SATB1: variants seen among roughly 807,000 people sequenced by gnomAD.
SATB1 encodes SATB homeobox 1.
In SATB1, 11 loss-of-function variants were observed where a neutral mutation model predicts 86.9. The observed-to-expected ratio is 0.13, with a 90% confidence interval of 0.08 to 0.21. SATB1 has a LOEUF of 0.21. Ranked by LOEUF, SATB1 falls within the 10% of genes least tolerant of loss-of-function variation. The pLI, the probability that SATB1 is intolerant of heterozygous loss-of-function variation, is 1.00. For missense variants in SATB1, 551 were observed against 937.6 expected (o/e 0.59, Z 5.39); for synonymous variants, 357 against 357.2 (o/e 1.00, Z 0.01).
intron 7 of SATB1, among the ~76,000 whole-genome samples, chr3:18,389,013 A>G (rs1003471245): frequency 1.3e-5 from 2 of 152,248 alleles, no homozygotes; most frequent in East Asian, 3.9e-4. Flanking sequence ...GAAGGTAGTT[A>G]TGTCACTTGG....
chr3:18,395,082 T>G lies in SATB1; in HGVS notation c.752-166A>C, dbSNP rs554144745. On this transcript the variant is annotated intron_variant, in intron 6 of 10. Coordinates refer to ENST00000338745, the MANE Select transcript of SATB1 (RefSeq NM_002971.6). Reference sequence around the variant, plus strand: ...AACTTACCAGGCTGTGTTTTTGCTCTCCTTTCCTGAACAATTCTACAAACT... The same window carrying G: ...AACTTACCAGGCTGTGTTTTTGCTCGCCTTTCCTGAACAATTCTACAAACT... Among the ~76,000 whole-genome samples, 122 of 152,314 alleles carry G rather than the reference T, an allele frequency of 8.0e-4. 1 individual carries two copies. The highest frequency in any genetic ancestry group is 2.7e-3 in the African/African-American group (114 of 41,570).
At position 18,445,268 on chromosome 3, in the gene SATB1, CCCGAG is replaced by C. The variant is rs997689695; in HGVS notation, c.-25+245_-25+249del. The C allele has an allele frequency of 1.0e-5, 10 of 983,716 alleles. No individual in the cohort carries two copies. The African/African-American group carries it at 1.1e-4, about 10-fold the overall frequency. The allele number at this position is 983,716 out of a possible 1,614,324, so 60.9% of individuals were successfully genotyped here. A position where few individuals can be genotyped will look rare whatever the true frequency, so the allele number is the denominator to read the frequency against. On this transcript the variant is annotated intron_variant, in intron 1 of 3. Transcript: ENST00000415069. ...GCTGGCGACACTAGGCGCACTGAAGCCCGAGCCGAGCCGAGCCCGAGCCGCCGCCG... is the reference window on the plus strand; with the variant it reads ...GCTGGCGACACTAGGCGCACTGAAGCCCGAGCCGAGCCCGAGCCGCCGCCG...
At chr3:18,351,087 CT>C (rs1559387298) in intron 10 of SATB1, 3 of 533,902 alleles carry the variant, frequency 5.6e-6, no homozygotes, top group Non-Finnish European at 3.4e-6. Flanking sequence ...GATCCCAGAA[CT>C]TTTCCATCTA....
rs1699323082 is a variant in SATB1, at chr3:18,444,337, C to T, written c.-25+1181G>A. 6.6e-6 allele frequency among the ~76,000 whole-genome samples: 1 copy of T among 151,998 alleles called. No individual in the cohort carries two copies. Among genetic ancestry groups the T allele is most frequent in the Non-Finnish European group, 1.5e-5 (1 of 68,006 alleles). ...GCAGGTGTGGTGGTGTGTCCACACC[C>T]AGACAGAAAACGAATGGCATCTTCA... On this transcript the variant is annotated intron_variant, in intron 1 of 3. Transcript: ENST00000415069. The surrounding 1 kb of genome is among the most constrained non-coding windows in gnomAD (Gnocchi z 5.1).
Position 18,416,148 on chromosome 3 carries a change from G to C in SATB1, c.389-15C>G, listed in dbSNP as rs756631748. ...CTGGATTAGCCCTATTTCAGATAAA[G>C]AGAATATGTCACTAAATATTTTACC... On this transcript the variant is annotated splice_polypyrimidine_tract_variant and intron_variant, in intron 3 of 10. Transcript: ENST00000338745. 4 of 1,588,178 alleles carry C rather than the reference G, an allele frequency of 2.5e-6. No individual in the cohort carries two copies. The South Asian group carries it at 4.6e-5, about 18-fold the overall frequency.
chr3:18,380,516 C>T (rs1278566540), intron 8 of SATB1, among the ~76,000 whole-genome samples: 1 of 151,322 alleles, frequency 6.6e-6, no homozygotes, highest in Non-Finnish European at 1.5e-5. Flanking sequence ...TAGTAGCCAA[C>T]ACAATCAAAA....
Position 18,416,081 on chromosome 3 carries a change from A to T in SATB1, c.441T>A (p.Asp147Glu). 2 of 1,611,542 alleles carry T rather than the reference A, an allele frequency of 1.2e-6. No homozygotes were observed. The highest frequency in any genetic ancestry group is 2.7e-5 in the African/African-American group (2 of 74,876). The change falls in exon 4 of 11, where the codon GAT (aspartate) becomes GAA (glutamate). Residue 147 changes from aspartate to glutamate, a missense_variant. Around this residue, in one of 8 missense-constraint regions of SATB1, gnomAD observed 153 missense variants for 258.1 expected, o/e 0.59. Transcript: ENST00000338745. ...WNPVPLSYVT[D>E]APDATVADML... ...TATCTGCTACTGTAGCATCAGGGGC[A>T]TCTGTCACGTAAGACAGTGGAACTG...
At chr3:18,445,453 G>A (rs1699369284) in intron 1 of SATB1, 1 of 985,318 alleles carries the variant, frequency 1.0e-6, no homozygotes, top group South Asian at 4.7e-5. Flanking sequence ...GTAAGTGTGG[G>A]CGCTTGGGGG....
intron 1 of SATB1, chr3:18,438,495 C>T (rs1324460076): frequency 1.3e-5 from 2 of 152,206 alleles, no homozygotes; most frequent in Non-Finnish European, 2.9e-5. Flanking sequence ...ACACTCAATG[C>T]CTATCTGTCA....
intron 1 of SATB1, among the ~76,000 whole-genome samples, chr3:18,437,281 G>A (rs895290146): frequency 2.6e-5 from 4 of 151,846 alleles, no homozygotes; most frequent in Admixed American, 2.0e-4. Flanking sequence ...AACCACTGAG[G>A]AGCAATAATT....
intron 5 of SATB1, among the ~76,000 whole-genome samples, chr3:18,408,134 A>G (rs982270393): frequency 1.3e-5 from 2 of 152,044 alleles, no homozygotes; most frequent in African/African-American, 4.8e-5. Context: ...TAGCATTTCT[A>G]TGGGAAAATA....
Position 18,378,258 on chromosome 3 carries a change from G to C in SATB1, c.1487C>G (p.Ala496Gly), listed in dbSNP as rs1184222608. The change falls in exon 9 of 11, where the codon GCT becomes GGT. Residue 496 changes from alanine to glycine, a missense_variant. This residue lies in a region of SATB1 where 110 missense variants were observed against 212.2 expected (regional missense o/e 0.52). Transcript: ENST00000338745. ...KPENNTMNIN[A>G]SIYDEIQQEM... ...CTGCTGAATCTCATCATAAATGGAA[G>C]CATTAATGTTCATGGTATTGTTCTC... 6.2e-7 allele frequency: 1 copy of C among 1,610,430 alleles called. No individual in the cohort carries two copies. The highest frequency in any genetic ancestry group is 1.7e-5 in the Admixed American group (1 of 59,514).
chr3:18,405,164 G>C (rs978939947), intron 5 of SATB1, among the ~76,000 whole-genome samples: 1 of 151,940 alleles, frequency 6.6e-6, no homozygotes, highest in Non-Finnish European at 1.5e-5. Context: ...TATCCAAATA[G>C]AATTTTCACA....
intron 5 of SATB1, among the ~76,000 whole-genome samples, chr3:18,408,229 A>C (rs1697647014): frequency 6.6e-6 from 1 of 151,978 alleles, no homozygotes; most frequent in South Asian, 2.1e-4. Flanking sequence ...TGAGAGAAAA[A>C]GACTGCTAAA....
At chr3:18,361,880 T>A (rs1165418171) in intron 9 of SATB1, among the ~76,000 whole-genome samples, 1 of 152,138 alleles carries the variant, frequency 6.6e-6, no homozygotes, top group Non-Finnish European at 1.5e-5. Flanking sequence ...TATAGATACA[T>A]GTGCATGTGT....
chr3:18,406,372 A>C (rs980562571), intron 5 of SATB1, among the ~76,000 whole-genome samples: 4 of 152,048 alleles, frequency 2.6e-5, no homozygotes, highest in African/African-American at 9.7e-5. Flanking sequence ...TTTGTCTATA[A>C]ATTATCTGTT....
At chr3:18,403,742 T>C (rs1697384163) in intron 5 of SATB1, among the ~76,000 whole-genome samples, 2 of 152,104 alleles carry the variant, frequency 1.3e-5, no homozygotes, top group African/African-American at 4.8e-5. Context: ...ATCTTGACAG[T>C]AACCTTTTTA....
chr3:18,404,333 A>G (rs934628611), intron 5 of SATB1, among the ~76,000 whole-genome samples: 1 of 152,014 alleles, frequency 6.6e-6, no homozygotes, highest in Non-Finnish European at 1.5e-5. Context: ...CAACTGGGGC[A>G]TATTTGGAAT....
intron 9 of SATB1, among the ~76,000 whole-genome samples, chr3:18,361,380 A>G (rs910829153): frequency 6.6e-6 from 1 of 152,184 alleles, no homozygotes; most frequent in Admixed American, 6.6e-5. Flanking sequence ...CAGTAACAGT[A>G]TGATGAATGT....
Sources: allele counts gnomAD v4.1 joint callset (sites outside exome capture counted in the v4.1 genomes callset), GRCh38; gene constraint gnomAD v4.1.1; regional missense constraint gnomAD v4.1.1; non-coding constraint Gnocchi (gnomAD v3.1); transcripts MANE v1.5; gene names NCBI Gene and HGNC (gene_info 2026-07-23, HGNC 2026-07-21).